The following ADAMTS5 variants were observed in gnomAD, a reference collection of about 807,000 sequenced individuals.
The protein encoded by ADAMTS5 is A disintegrin and metalloproteinase with thrombospondin motifs 5.
Under a neutral mutation model 81.4 loss-of-function variants are expected in ADAMTS5, and 54 were observed. The observed-to-expected ratio is 0.66, with a 90% confidence interval of 0.53 to 0.83. ADAMTS5 has a LOEUF of 0.83. Among genes scored for constraint, ADAMTS5 ranks in the 40% least tolerant of loss-of-function variants. The probability of loss-of-function intolerance (pLI) is 0.00; values close to 1 mark genes in which losing one functional copy is unlikely to be tolerated. For missense variants in ADAMTS5, 1,194 were observed against 1,229.9 expected (o/e 0.97, Z 0.44); for synonymous variants, 532 against 508.8 (o/e 1.05, Z -0.61).
chr21:26,950,878 G>C (rs1217018719), intron 2 of ADAMTS5, among the ~76,000 whole-genome samples: 2 of 151,174 alleles, frequency 1.3e-5, no homozygotes, highest in African/African-American at 4.9e-5. Context: ...TTTTTTAGGT[G>C]GGGGGCTCAC....
At chr21:26,961,524 C>T (rs996177932) in intron 1 of ADAMTS5, among the ~76,000 whole-genome samples, 5 of 152,218 alleles carry the variant, frequency 3.3e-5, no homozygotes, top group Admixed American at 6.5e-5. Context: ...GCTGGGGATA[C>T]GCCTAGTGGG....
At chr21:26,936,665 T>G (rs2123178652) in intron 3 of ADAMTS5, among the ~76,000 whole-genome samples, 1 of 152,224 alleles carries the variant, frequency 6.6e-6, no homozygotes, top group Admixed American at 6.5e-5. Flanking sequence ...GAGGTAAAGC[T>G]TCTTAAGGCA....
At chr21:26,942,643 G>A (rs147912946) in intron 3 of ADAMTS5, among the ~76,000 whole-genome samples, 9 of 152,160 alleles carry the variant, frequency 5.9e-5, no homozygotes, top group Admixed American at 2.0e-4. Context: ...TTACTTAGGG[G>A]TCAGAATTTA....
At chr21:26,948,574 C>G (rs912834968) in intron 2 of ADAMTS5, among the ~76,000 whole-genome samples, 18 of 152,274 alleles carry the variant, frequency 1.2e-4, no homozygotes, top group Non-Finnish European at 2.5e-4. Flanking sequence ...AAGAAGGGAA[C>G]CATGAGCTCC....
intron 1 of ADAMTS5, among the ~76,000 whole-genome samples, chr21:26,962,059 A>G (rs1987539468): frequency 1.3e-5 from 2 of 152,342 alleles, no homozygotes; most frequent in Admixed American, 6.5e-5. Flanking sequence ...TTTATATTGC[A>G]CAATCTCTTA....
At chr21:26,942,652 T>C (rs550364755) in intron 3 of ADAMTS5, among the ~76,000 whole-genome samples, 1 of 152,294 alleles carries the variant, frequency 6.6e-6, no homozygotes, top group East Asian at 1.9e-4. Flanking sequence ...GGTCAGAATT[T>C]ATTATTTCTA....
intron 3 of ADAMTS5, among the ~76,000 whole-genome samples, chr21:26,935,033 G>C (rs1360418456): frequency 6.6e-6 from 1 of 152,154 alleles, no homozygotes; most frequent in African/African-American, 2.4e-5. Context: ...GTAATGATTA[G>C]TTGTGAAAAT....
intron 1 of ADAMTS5, among the ~76,000 whole-genome samples, chr21:26,955,164 G>C (rs761778336): frequency 6.6e-6 from 1 of 152,168 alleles, no homozygotes; most frequent in South Asian, 2.1e-4. Flanking sequence ...ATGCAGATAC[G>C]TCTCTGATCA....
chr21:26,953,393 G>A (rs895431617), intron 2 of ADAMTS5, among the ~76,000 whole-genome samples: 7 of 152,150 alleles, frequency 4.6e-5, no homozygotes, highest in African/African-American at 1.4e-4. Context: ...GGTAAGAAAC[G>A]TGTCAGGAAC....
At chr21:26,926,239 T>C (rs1487788106) in intron 7 of ADAMTS5, among the ~76,000 whole-genome samples, 3 of 152,128 alleles carry the variant, frequency 2.0e-5, no homozygotes, top group African/African-American at 7.2e-5. Context: ...CCAGCCCGAG[T>C]AACAGAATGA....
intron 2 of ADAMTS5, among the ~76,000 whole-genome samples, chr21:26,951,452 C>T (rs187981835): frequency 5.2e-4 from 79 of 151,912 alleles, no homozygotes; most frequent in African/African-American, 1.9e-3. Context: ...TACACATCTT[C>T]CAAATCTAGA....
chr21:26,961,149 CTCTG>C (rs1247301235), intron 1 of ADAMTS5, among the ~76,000 whole-genome samples: 3 of 152,216 alleles, frequency 2.0e-5, no homozygotes, highest in East Asian at 1.9e-4. Flanking sequence ...GGACTGTCTT[CTCTG>C]TCTGCCATTT....
In ADAMTS5 at chr21:26,965,849, C is replaced by T; in HGVS notation, c.543G>A (p.Val181=). 1 of 1,612,780 alleles carries T rather than the reference C, an allele frequency of 6.2e-7. No individual in the cohort carries two copies. ...GPWAEEEKGR[V]YGDGSARILH... ...GGATCCGTGCGGACCCATCCCCGTACACGCGCCCCTTTTCTTCCTCCGCCC... is the reference window on the plus strand; with the variant it reads ...GGATCCGTGCGGACCCATCCCCGTATACGCGCCCCTTTTCTTCCTCCGCCC... Residue 181 remains valine, a synonymous_variant, in exon 1 of 8, where the codon GTG becomes GTA. Coordinates refer to ENST00000284987, the MANE Select transcript of ADAMTS5 (RefSeq NM_007038.5).
At chr21:26,942,524 C>T (rs1348325038) in intron 3 of ADAMTS5, among the ~76,000 whole-genome samples, 1 of 152,084 alleles carries the variant, frequency 6.6e-6, no homozygotes, top group Non-Finnish European at 1.5e-5. Flanking sequence ...ATTTCAGCTA[C>T]ATAATGTCTG....
At chr21:26,940,420 A>G (rs1987092091) in intron 3 of ADAMTS5, among the ~76,000 whole-genome samples, 1 of 152,170 alleles carries the variant, frequency 6.6e-6, no homozygotes, top group South Asian at 2.1e-4. Context: ...AACTTGAGGG[A>G]CCATGTTGGT....
chr21:26,949,143 A>ATG (rs1987270441), intron 2 of ADAMTS5, among the ~76,000 whole-genome samples: 1 of 150,676 alleles, frequency 6.6e-6, no homozygotes, highest in Admixed American at 6.6e-5. Context: ...AGTGATATAT[A>ATG]TATATATATA....
Position 26,922,074 on chromosome 21 carries a change from C to T in ADAMTS5, c.*1979G>A, listed in dbSNP as rs963200838. The T allele has an allele frequency of 4.0e-5, 6 of 151,846 alleles. No homozygotes were observed. Among genetic ancestry groups the T allele is most frequent in the Non-Finnish European group, 7.4e-5 (5 of 67,910 alleles). The allele number at this position is 151,846 out of a possible 1,614,324, so 9.4% of individuals were successfully genotyped here. On this transcript the variant is annotated 3_prime_UTR_variant, in exon 8 of 8. Coordinates refer to ENST00000284987, the MANE Select transcript of ADAMTS5 (RefSeq NM_007038.5). The stretch of plus-strand genomic sequence containing the variant: ...ACTGGGATTATTATTTTTTTTCTCA[C>T]CTATTTAACTAGGTTTGCTTTCTGC...
intron 3 of ADAMTS5, chr21:26,939,671 T>C (rs929569999): frequency 2.0e-5 from 3 of 152,250 alleles, no homozygotes; most frequent in Admixed American, 6.5e-5. Flanking sequence ...ACATAAGTCA[T>C]GGCCTTTCTC....
At chr21:26,950,722 A>G (rs1482475868) in intron 2 of ADAMTS5, among the ~76,000 whole-genome samples, 1 of 152,226 alleles carries the variant, frequency 6.6e-6, no homozygotes, top group East Asian at 1.9e-4. Flanking sequence ...ATGGTATATG[A>G]AAAGAGTAAG....
Sources: allele counts gnomAD v4.1 joint callset (sites outside exome capture counted in the v4.1 genomes callset), GRCh38; gene constraint gnomAD v4.1.1; transcripts MANE v1.5; gene names NCBI Gene and HGNC (gene_info 2026-07-23, HGNC 2026-07-21).